DLG1: variants seen among roughly 807,000 people sequenced by gnomAD.
DLG1 encodes disks large homolog 1.
DLG1 carries 42 observed loss-of-function variants against 123.4 expected under a neutral mutation model. That is an observed-to-expected ratio of 0.34 (90% CI 0.27 to 0.44). The LOEUF is 0.44. DLG1 is among the 20% of genes least tolerant of loss of function. The pLI, the probability that DLG1 is intolerant of heterozygous loss-of-function variation, is 1.00. For synonymous variants in DLG1, 317 were observed against 356.2 expected (o/e 0.89, Z 1.24); for missense variants, 942 against 1,082.6 (o/e 0.87, Z 1.82).
Position 197,259,905 on chromosome 3 carries a change from G to A in DLG1, c.318+22774C>T, listed in dbSNP as rs976273561. ...AGAGTCCAGAAAATGCTCTCAAAAC[G>A]AGTTATACTTTCAACTAGCATGGCA... On this transcript the variant is annotated intron_variant, in intron 4 of 24. Transcript: ENST00000667157. Among the ~76,000 whole-genome samples, 9 of 152,076 alleles carry A rather than the reference G, an allele frequency of 5.9e-5. No individual in the cohort carries two copies. The East Asian group carries it at 1.2e-3, about 19-fold the overall frequency.
chr3:197,066,805 T>A, intron 19 of DLG1, 51 bp from the exon 20 acceptor site: 1 of 1,259,248 alleles, frequency 7.9e-7, no homozygotes, highest in Non-Finnish European at 1.2e-6. Flanking sequence ...TAATTGATGC[T>A]AATCTAATTC....
Position 197,194,605 on chromosome 3 carries a change from A to C in DLG1, c.319-16T>G, listed in dbSNP as rs1395881084. On this transcript the variant is annotated splice_polypyrimidine_tract_variant and intron_variant, in intron 4 of 24. Coordinates refer to ENST00000667157, the MANE Select transcript of DLG1 (RefSeq NM_001366207.1). ...ACCTGTATTTCTGTAAAGAAAATAAACATGAAGAAGCCCTGATAAGCAACA... is the reference window on the plus strand; with the variant it reads ...ACCTGTATTTCTGTAAAGAAAATAACCATGAAGAAGCCCTGATAAGCAACA... 6.4e-7 allele frequency: 1 copy of C among 1,566,666 alleles called. No homozygotes were observed. The highest frequency in any genetic ancestry group is 8.6e-7 in the Non-Finnish European group (1 of 1,162,270).
intron 23 of DLG1, among the ~76,000 whole-genome samples, chr3:197,058,288 C>T (rs576730914): frequency 3.9e-5 from 6 of 152,276 alleles, no homozygotes; most frequent in Non-Finnish European, 8.8e-5. Context: ...CCTTCTTTTT[C>T]AGTTTCTCAA....
intron 5 of DLG1, among the ~76,000 whole-genome samples, chr3:197,171,899 C>A (rs916196398): frequency 6.6e-6 from 1 of 151,998 alleles, no homozygotes; most frequent in Non-Finnish European, 1.5e-5. Flanking sequence ...TGACTAATAA[C>A]CTAAAATGGG....
intron 14 of DLG1, among the ~76,000 whole-genome samples, chr3:197,103,875 G>C (rs1764896770): frequency 6.6e-6 from 1 of 151,866 alleles, no homozygotes; most frequent in South Asian, 2.1e-4. Flanking sequence ...CAACAAATAT[G>C]CTATGTATTC....
At chr3:197,123,973 A>G (rs1166442334) in intron 11 of DLG1, among the ~76,000 whole-genome samples, 1 of 152,222 alleles carries the variant, frequency 6.6e-6, no homozygotes, top group Non-Finnish European at 1.5e-5. Context: ...TTAAATAAAG[A>G]GGTCAGGTGC....
chr3:197,266,526 C>A (rs1761761820), intron 4 of DLG1, among the ~76,000 whole-genome samples: 1 of 151,952 alleles, frequency 6.6e-6, no homozygotes, highest in African/African-American at 2.4e-5. Context: ...GGCAGCAGGA[C>A]TGCTTGAAGC....
chr3:197,239,178 C>T (rs541626130), intron 4 of DLG1, among the ~76,000 whole-genome samples: 74 of 151,960 alleles, frequency 4.9e-4, no homozygotes, highest in African/African-American at 1.8e-3. Context: ...AATAGGATAA[C>T]AGAGTCCTAT....
At chr3:197,169,984 T>A (rs185671429) in intron 5 of DLG1, among the ~76,000 whole-genome samples, 1 of 152,188 alleles carries the variant, frequency 6.6e-6, no homozygotes, top group Non-Finnish European at 1.5e-5. Flanking sequence ...ATCACTTAGC[T>A]CCCACTTATA....
chr3:197,291,784 T>C (rs1362827076), intron 3 of DLG1, among the ~76,000 whole-genome samples: 1 of 152,190 alleles, frequency 6.6e-6, no homozygotes, highest in Non-Finnish European at 1.5e-5. Flanking sequence ...TATAAAACAG[T>C]ACAAACACCT....
intron 22 of DLG1, among the ~76,000 whole-genome samples, chr3:197,061,225 T>C (rs1735539259): frequency 6.6e-6 from 1 of 152,230 alleles, no homozygotes; most frequent in South Asian, 2.1e-4. Flanking sequence ...TATAGAAAAG[T>C]AAATAATAGA....
At chr3:197,278,180 G>C (rs1767432907) in intron 4 of DLG1, among the ~76,000 whole-genome samples, 1 of 148,410 alleles carries the variant, frequency 6.7e-6, no homozygotes, top group Non-Finnish European at 1.5e-5. Context: ...CTACTCGGGA[G>C]GCTGAGGTGG....
At position 197,281,624 on chromosome 3, in the gene DLG1, G is replaced by A. The variant is rs192398970; in HGVS notation, c.318+1055C>T. ...TGGAAAAAAAGTGTAAAGAAAATAA[G>A]GATATACACAATAAACATTACACTA... On this transcript the variant is annotated intron_variant, in intron 4 of 24. Transcript: ENST00000667157. Among the ~76,000 whole-genome samples the A allele has an allele frequency of 2.6e-5, 4 of 152,276 alleles. No homozygotes were observed. The East Asian group carries it at 7.7e-4, about 29-fold the overall frequency.
chr3:197,053,241 A>T (rs1300430233), intron 23 of DLG1, among the ~76,000 whole-genome samples: 2 of 152,168 alleles, frequency 1.3e-5, no homozygotes, highest in African/African-American at 2.4e-5. Flanking sequence ...TATTTTGTAG[A>T]GTTACTGTCT....
chr3:197,262,853 C>G (rs951253584), intron 4 of DLG1, among the ~76,000 whole-genome samples: 26 of 152,166 alleles, frequency 1.7e-4, no homozygotes, highest in African/African-American at 6.0e-4. Flanking sequence ...TTTTTCTCCT[C>G]TCAGACCTAA....
At chr3:197,251,629 C>G (rs1028839220) in intron 4 of DLG1, among the ~76,000 whole-genome samples, 3 of 152,024 alleles carry the variant, frequency 2.0e-5, no homozygotes, top group Non-Finnish European at 4.4e-5. Flanking sequence ...GTTAAGACCT[C>G]AAAACCACAG....
At chr3:197,176,090 A>G (rs1174535604) in intron 5 of DLG1, among the ~76,000 whole-genome samples, 3 of 152,192 alleles carry the variant, frequency 2.0e-5, no homozygotes, top group African/African-American at 7.2e-5. Flanking sequence ...AGAATAAAAC[A>G]CATTTCCTAA....
At chr3:197,073,965 C>T (rs771769956) in intron 18 of DLG1, among the ~76,000 whole-genome samples, 1 of 152,070 alleles carries the variant, frequency 6.6e-6, no homozygotes, top group African/African-American at 2.4e-5. Context: ...ATTAAAGTCT[C>T]TCAAGATTTT....
chr3:197,287,906 T>C (rs1443705673), intron 3 of DLG1, among the ~76,000 whole-genome samples: 1 of 152,180 alleles, frequency 6.6e-6, no homozygotes. Flanking sequence ...ATTACCTCAA[T>C]AGCCTTAAAA....
Sources: allele counts gnomAD v4.1 joint callset (sites outside exome capture counted in the v4.1 genomes callset), GRCh38; gene constraint gnomAD v4.1.1; transcripts MANE v1.5; gene names NCBI Gene and HGNC (gene_info 2026-07-23, HGNC 2026-07-21).